Variants in TUBGCP6 observed in about 807,000 individuals in gnomAD.
TUBGCP6 encodes the protein gamma-tubulin complex component 6.
TUBGCP6 carries 161 observed loss-of-function variants against 175.8 expected under a neutral mutation model. The ratio of observed to expected loss-of-function variants is 0.92; its 90% CI spans 0.81 to 1.04. The LOEUF is 1.04. Among genes scored for constraint, TUBGCP6 ranks in the 50% least tolerant of loss-of-function variants. The pLI, the probability that TUBGCP6 is intolerant of heterozygous loss-of-function variation, is 0.00. For synonymous variants in TUBGCP6, 1,173 were observed against 1,030.5 expected (o/e 1.14, Z -2.65); for missense variants, 2,572 against 2,433.0 (o/e 1.06, Z -1.20).
chr22:50,219,644 A>G lies in TUBGCP6; in HGVS notation c.4315T>C (p.Ser1439Pro), dbSNP rs1366624274. ...TGCCAACAGCAACTGCTGCACTCACACATGGACTCGTAACTGTCCGGGTAC... is the reference window on the plus strand; with the variant it reads ...TGCCAACAGCAACTGCTGCACTCACGCATGGACTCGTAACTGTCCGGGTAC... ...ERYPDSYESM[S>P]EPPIAHLLRP... The change falls in exon 18 of 25, where the codon TCC (serine) becomes CCC (proline). Residue 1439 changes from serine to proline, a missense_variant and splice_region_variant. By Grantham distance (74) the Ser-to-Pro change is moderately conservative (BLOSUM62 -1). Coordinates refer to ENST00000248846, the MANE Select transcript of TUBGCP6 (RefSeq NM_020461.4). The G allele has an allele frequency of 3.1e-6, 5 of 1,613,164 alleles. No homozygotes were observed. Among genetic ancestry groups the G allele is most frequent in the Non-Finnish European group, 4.2e-6 (5 of 1,179,704 alleles).
In TUBGCP6 at chr22:50,233,366, C is replaced by T. The variant is rs773504995; in HGVS notation, c.1066G>A (p.Val356Met). Reference protein sequence around the residue: ...LVKECELVKDVLNVLIGVVSA... With the variant: ...LVKECELVKDMLNVLIGVVSA... ...ACGACCCCAATCAAGACGTTCAGCACGTCTTTCACCAGCTCGCACTCCTTC... is the reference window on the plus strand; with the variant it reads ...ACGACCCCAATCAAGACGTTCAGCATGTCTTTCACCAGCTCGCACTCCTTC... The change falls in exon 3 of 25, where the codon GTG becomes ATG. Residue 356 changes from valine to methionine, a missense_variant. By Grantham distance (21) the Val-to-Met change is conservative. Coordinates refer to ENST00000248846, the MANE Select transcript of TUBGCP6 (RefSeq NM_020461.4). 16 of 1,613,898 alleles carry T rather than the reference C, an allele frequency of 9.9e-6. No individual in the cohort carries two copies. Among genetic ancestry groups the T allele is most frequent in the Admixed American group, 6.7e-5 (4 of 60,000 alleles).
At chr22:50,225,968 C>G (rs775799392) in intron 9 of TUBGCP6, 25 bp from the exon 10 acceptor site, 1 of 1,613,090 alleles carries the variant, frequency 6.2e-7, no homozygotes, top group South Asian at 1.1e-5. Flanking sequence ...GCAAGCACAG[C>G]CACCAGCACT....
At position 50,243,884 on chromosome 22, in the gene TUBGCP6, G is replaced by T. The variant is rs149449911; in HGVS notation, c.576C>A (p.Thr192=). Residue 192 remains threonine (T), a synonymous_variant, in exon 1 of 25, where the codon ACC becomes ACA. Coordinates refer to ENST00000248846, the MANE Select transcript of TUBGCP6 (RefSeq NM_020461.4). ...MEAAPGTGLP[T]VGLFSFGDPC... ...GGTCACCAAATGAGAAGAGCCCGACGGTGGGCAGGCCAGTGCCTGGAGCAG... is the reference window on the plus strand; with the variant it reads ...GGTCACCAAATGAGAAGAGCCCGACTGTGGGCAGGCCAGTGCCTGGAGCAG... 21 of 1,613,906 alleles carry T rather than the reference G, an allele frequency of 1.3e-5. No individual in the cohort carries two copies. The African/African-American group carries it at 2.4e-4, about 18-fold the overall frequency.
intron 2 of TUBGCP6, among the ~76,000 whole-genome samples, chr22:50,238,036 G>C (rs1441350965): frequency 6.6e-6 from 1 of 152,146 alleles, no homozygotes; most frequent in Non-Finnish European, 1.5e-5. Context: ...GGGAAGCTGA[G>C]GCAGGAGAAT....
chr22:50,240,882 G>A (rs1357315997), intron 1 of TUBGCP6, among the ~76,000 whole-genome samples: 2 of 152,114 alleles, frequency 1.3e-5, no homozygotes, highest in Non-Finnish European at 2.9e-5. Context: ...CCAGCTACTC[G>A]GGAGGCTGAG....
Position 50,219,452 on chromosome 22 carries a change from C to T in TUBGCP6, c.4320G>A (p.Glu1440=), listed in dbSNP as rs1375218701. The T allele has an allele frequency of 6.3e-7, 1 of 1,578,360 alleles. No homozygotes were observed. The highest frequency in any genetic ancestry group is 8.6e-7 in the Non-Finnish European group (1 of 1,163,472). ...GGCGCAAAAGATGAGCAATGGGCGG[C>T]TCGGCTGCGGGAGATGGAGCACGCA... The part of the protein sequence containing the change: ...RYPDSYESMS[E]PPIAHLLRPV... Residue 1440 remains glutamate, a synonymous_variant, in exon 19 of 25, where the codon GAG becomes GAA. Transcript: ENST00000248846.
Position 50,227,003 on chromosome 22 carries a change from G to C in TUBGCP6, c.1487C>G (p.Pro496Arg), listed in dbSNP as rs1279427758. Residue 496 changes from proline to arginine, a missense_variant, in exon 6 of 25, where the codon CCC becomes CGC. Pro to Arg is a moderately radical substitution (Grantham distance 103). Coordinates refer to ENST00000248846, the MANE Select transcript of TUBGCP6 (RefSeq NM_020461.4). ...TCGGGPRAAF[P>R]TGVKLLSYLY... ...CGGCAGGGACGCACAACTCACGGTG[G>C]GAAACGCGGCCCTGGGGCCTCCTCC... The C allele has an allele frequency of 6.2e-7, 1 of 1,611,862 alleles. No homozygotes were observed. The highest frequency in any genetic ancestry group is 8.5e-7 in the Non-Finnish European group (1 of 1,179,376).
chr22:50,227,896 C>T lies in TUBGCP6; in HGVS notation c.1412+11G>A, dbSNP rs747231252. 2.5e-6 allele frequency: 4 copies of T among 1,572,508 alleles called. No individual in the cohort carries two copies. The highest frequency in any genetic ancestry group is 1.8e-5 in the Admixed American group (1 of 54,314). Reference sequence around the variant, plus strand: ...CAAAGTCCCCTGCTCAGCCGCCATGCTGAGGCTCACCTGAGCTGCCGGCCA... The same window carrying T: ...CAAAGTCCCCTGCTCAGCCGCCATGTTGAGGCTCACCTGAGCTGCCGGCCA... On this transcript the variant is annotated intron_variant, in intron 5 of 24. Transcript: ENST00000248846.
Position 50,243,818 on chromosome 22 carries a change from G to A in TUBGCP6, c.642C>T (p.Leu214=), listed in dbSNP as rs1188435296. 6.2e-7 allele frequency: 1 copy of A among 1,613,682 alleles called. No homozygotes were observed. The highest frequency in any genetic ancestry group is 8.5e-7 in the Non-Finnish European group (1 of 1,180,026). Residue 214 remains leucine (L), a synonymous_variant, in exon 1 of 25, where the codon CTC becomes CTT. Transcript: ENST00000248846. ...TGCGGCTGTGCACAAGGGCCCCGAA[G>A]AGCGAGACCCGGGTGTCTCTCTCGA... The part of the protein sequence containing the change: ...DRFERDTRVS[L]FGALVHSRTY...
chr22:50,240,166 TA>T, intron 2 of TUBGCP6, 37 bp downstream of exon 2: 1 of 1,611,402 alleles, frequency 6.2e-7, no homozygotes, highest in Non-Finnish European at 8.5e-7. Context: ...CATGCAGGGG[TA>T]GGGGCACTGC....
chr22:50,221,484 G>T lies in TUBGCP6; in HGVS notation c.2875C>A (p.Pro959Thr). The T allele has an allele frequency of 6.3e-7, 1 of 1,589,298 alleles. No individual in the cohort carries two copies. The highest frequency in any genetic ancestry group is 8.6e-7 in the Non-Finnish European group (1 of 1,169,214). The change falls in exon 16 of 25, where the codon CCA (proline) becomes ACA (threonine). Residue 959 changes from proline (P) to threonine (T), a missense_variant. Pro to Thr is a conservative substitution (Grantham distance 38, BLOSUM62 -1). Transcript: ENST00000248846. Reference sequence around the variant, plus strand: ...GGTGCAGGTGAGGTGGCCACAGCTGGCCTCAGGACAGTACTAAAGTCGTAC... The same window carrying T: ...GGTGCAGGTGAGGTGGCCACAGCTGTCCTCAGGACAGTACTAAAGTCGTAC... ...QEYDFSTVLRPAVATSPAPGP... is the reference protein window; with the variant it reads ...QEYDFSTVLRTAVATSPAPGP...
rs199766792 is a variant in TUBGCP6, at chr22:50,220,713, C to T, written c.3646G>A (p.Gly1216Arg). The T allele has an allele frequency of 6.5e-5, 104 of 1,611,372 alleles. No individual in the cohort carries two copies. Among genetic ancestry groups the T allele is most frequent in the Middle Eastern group, 1.6e-4 (1 of 6,074 alleles). The change falls in exon 16 of 25, where the codon GGA (glycine) becomes AGA (arginine). Residue 1216 changes from glycine (G) to arginine (R), a missense_variant. By Grantham distance (125) the Gly-to-Arg change is moderately radical. Transcript: ENST00000248846. ...CTGATGCTGGTGTCAGACACATGTC[C>T]GTGGGTGTTCCACCGTGGCCGGGTG... Reference protein sequence around the residue: ...APTRPRWNTHGHVSDTSIRVG... With the variant: ...APTRPRWNTHRHVSDTSIRVG...
intron 10 of TUBGCP6, among the ~76,000 whole-genome samples, 171 bp from the exon 11 acceptor site, chr22:50,224,763 C>A (rs1388996126): frequency 6.6e-6 from 1 of 152,054 alleles, no homozygotes; most frequent in African/African-American, 2.4e-5. Flanking sequence ...AAAAATTAGC[C>A]AGGTGTAGTG....
rs373051985 is a variant in TUBGCP6, at chr22:50,227,083, C to T, written c.1413-6G>A. The T allele has an allele frequency of 1.2e-4, 189 of 1,609,162 alleles. No individual in the cohort carries two copies. The highest frequency in any genetic ancestry group is 1.3e-4 in the Admixed American group (8 of 59,468). On this transcript the variant is annotated splice_region_variant and splice_polypyrimidine_tract_variant and intron_variant, in intron 5 of 24. Coordinates refer to ENST00000248846, the MANE Select transcript of TUBGCP6 (RefSeq NM_020461.4). Reference sequence around the variant, plus strand: ...CACAGAGCTCGGCCAGGTACCTAGACCCAGAGGCAGGATGAGACCAGGTGA... The same window carrying T: ...CACAGAGCTCGGCCAGGTACCTAGATCCAGAGGCAGGATGAGACCAGGTGA...
chr22:50,225,978 T>C, intron 9 of TUBGCP6, 35 bp from the exon 10 acceptor site: 1 of 1,612,704 alleles, frequency 6.2e-7, no homozygotes, highest in Non-Finnish European at 8.5e-7. Flanking sequence ...CCACCAGCAC[T>C]CAGCCCCAGC....
At position 50,219,343 on chromosome 22, in the gene TUBGCP6, A is replaced by AT; in HGVS notation, c.4428_4429insA (p.Leu1477IlefsTer42). 6.3e-7 allele frequency: 1 copy of AT among 1,595,890 alleles called. No homozygotes were observed. Among genetic ancestry groups the AT allele is most frequent in the Non-Finnish European group, 8.5e-7 (1 of 1,172,652 alleles). On this transcript the variant is annotated frameshift_variant, in exon 19 of 25. Transcript: ENST00000248846. LOFTEE classifies it high-confidence loss of function. Reference sequence around the variant, plus strand: ...TTCATGAGCACGGGCAGCGTCAGCAACTCGCTCAGCTGCACAGCAGTCTCA... The same window carrying AT: ...TTCATGAGCACGGGCAGCGTCAGCAATCTCGCTCAGCTGCACAGCAGTCTCA...
At chr22:50,240,393 G>T (rs539467367) in intron 1 of TUBGCP6, 26 bp from the exon 2 acceptor site, 1 of 1,612,984 alleles carries the variant, frequency 6.2e-7, no homozygotes, top group South Asian at 1.1e-5. Context: ...AGGGCAAACC[G>T]CCACTTATTG....
rs764942440 is a variant in TUBGCP6, at chr22:50,244,712, C to A, written c.-253G>T. 8 of 535,298 alleles carry A rather than the reference C, an allele frequency of 1.5e-5. No individual in the cohort carries two copies. The highest frequency in any genetic ancestry group is 2.6e-5 in the Non-Finnish European group (8 of 308,020). The allele number at this position is 535,298 out of a possible 1,614,324, so 33.2% of individuals were successfully genotyped here. A position where few individuals can be genotyped will look rare whatever the true frequency, so the allele number is the denominator to read the frequency against. On this transcript the variant is annotated 5_prime_UTR_variant, in exon 1 of 25. Transcript: ENST00000248846. The stretch of plus-strand genomic sequence containing the variant: ...GGCAGCCCACCAGAAGCCAGCTCGG[C>A]GTTTCTTCTAATTCAGTAGCCCTCA...
rs982755639 is a variant in TUBGCP6 at position 50,233,534 on chromosome 22, G to A, written c.906-8C>T. Reference sequence around the variant, plus strand: ...TCTCTGTGGCCAGGGGGGCTGCGAGGGGTGCAGAAGAGAGGCCATGAGCAG... The same window carrying A: ...TCTCTGTGGCCAGGGGGGCTGCGAGAGGTGCAGAAGAGAGGCCATGAGCAG... On this transcript the variant is annotated splice_polypyrimidine_tract_variant and splice_region_variant and intron_variant, in intron 2 of 24. Transcript: ENST00000248846. The A allele has an allele frequency of 1.3e-6, 2 of 1,594,832 alleles. No individual in the cohort carries two copies. The highest frequency in any genetic ancestry group is 1.1e-5 in the South Asian group (1 of 88,840).
Sources: gnomAD v4.1 joint callset for allele counts (sites outside exome capture counted in the v4.1 genomes callset) on GRCh38, gnomAD v4.1.1 for gene constraint, MANE v1.5 for transcripts, NCBI Gene and HGNC (gene_info 2026-07-23, HGNC 2026-07-21) for gene names.